The following ANKRD30A variants were observed in gnomAD, a reference collection of about 807,000 sequenced individuals.
The protein encoded by ANKRD30A is ankyrin repeat domain 30A, also known as ankyrin repeat domain-containing protein 30A.
In ANKRD30A, 170 loss-of-function variants were observed where a neutral mutation model predicts 166.3. The ratio of observed to expected loss-of-function variants is 1.02; its 90% CI spans 0.90 to 1.16. The LOEUF (loss-of-function observed/expected upper bound fraction) is 1.16. ANKRD30A is among the 50% of genes most tolerant of loss of function. The pLI is 0.00. For missense variants in ANKRD30A, 1,630 were observed against 1,518.0 expected (o/e 1.07, Z -1.23); for synonymous variants, 564 against 508.9 (o/e 1.11, Z -1.46).
At chr10:37,236,302 C>T (rs112128472), downstream of ANKRD30A, among the ~76,000 whole-genome samples, 581 of 152,222 alleles carry the variant, frequency 3.8e-3, 3 homozygotes, top group African/African-American at 0.013. Flanking sequence ...CTCATGACAA[C>T]TAATGGGAAG....
chr10:37,199,301 C>T (rs1331955812), intron 29 of ANKRD30A, among the ~76,000 whole-genome samples: 1 of 151,940 alleles, frequency 6.6e-6, no homozygotes. Flanking sequence ...GATAAATCAT[C>T]TTTTTTGAAG....
At chr10:37,245,422 CT>C in the ANKRD30A span, among the ~76,000 whole-genome samples, 380 of 151,102 alleles carry the variant, frequency 2.5e-3, no homozygotes, top group Middle Eastern at 0.021. Flanking sequence ...GGTTTTATTT[CT>C]TTTTTTTTCT....
Position 37,158,576 on chromosome 10 carries a change from T to C in ANKRD30A, c.1890T>C (p.Thr630=). 6.2e-7 allele frequency: 1 copy of C among 1,612,832 alleles called. No individual in the cohort carries two copies. Among genetic ancestry groups the C allele is most frequent in the Non-Finnish European group, 8.5e-7 (1 of 1,179,522 alleles). ...TKALELKDMQ[T]FKAEPPGKPS... is the part of the protein sequence containing the mutation. The stretch of plus-strand genomic sequence containing the variant: ...CCTTAGAATTGAAGGACATGCAAAC[T>C]TTCAAAGCAGGTAAATTTTGTAATT... The change falls in exon 15 of 36, where the codon ACT becomes ACC. Residue 630 remains threonine (T), a synonymous_variant. Transcript: ENST00000361713.
chr10:37,241,401 GATA>G, the ANKRD30A span: 5 of 151,242 alleles, frequency 3.3e-5, no homozygotes, highest in African/African-American at 4.8e-5. Context: ...TCTTAAAAAG[GATA>G]ATATTTTTAT....
intron 8 of ANKRD30A, among the ~76,000 whole-genome samples, chr10:37,145,327 ATTAG>A (rs1437612055): frequency 6.6e-6 from 1 of 152,078 alleles, no homozygotes; most frequent in Non-Finnish European, 1.5e-5. Context: ...AAAATACAAA[ATTAG>A]TTGGGTGTGG....
chr10:37,150,605 C>T (rs555001912), intron 11 of ANKRD30A, among the ~76,000 whole-genome samples: 10 of 152,028 alleles, frequency 6.6e-5, no homozygotes, highest in East Asian at 3.9e-4. Context: ...CATGGTTGTA[C>T]GGTGTAATGT....
chr10:37,162,488 G>A (rs777368155), intron 15 of ANKRD30A, among the ~76,000 whole-genome samples, 161 bp from the exon 16 acceptor site: 3 of 152,010 alleles, frequency 2.0e-5, no homozygotes, highest in African/African-American at 7.3e-5. Flanking sequence ...TATTCTTGTC[G>A]TGTGTGTGTC....
chr10:37,125,656 ACAGAACTTT>A lies in ANKRD30A; in HGVS notation c.-131_-123del. ...CTGAGTGTGCAAGAGCTTGGCGAAC[ACAGAACTTT>A]TTACGGGTATCGAGGCGGTGCGTGG... On this transcript the variant is annotated 5_prime_UTR_variant, in exon 1 of 36. Coordinates refer to ENST00000361713, the MANE Select transcript of ANKRD30A (RefSeq NM_052997.3). The A allele has an allele frequency of 1.7e-5, 7 of 405,306 alleles. No individual in the cohort carries two copies. The highest frequency in any genetic ancestry group is 9.3e-5 in the East Asian group (2 of 21,548). 25.1% of individuals were successfully genotyped at this position (405,306 alleles called of 1,614,324 possible).
chr10:37,193,735 C>T (rs1840798428), intron 27 of ANKRD30A, among the ~76,000 whole-genome samples: 1 of 151,878 alleles, frequency 6.6e-6, no homozygotes, highest in South Asian at 2.1e-4. Flanking sequence ...TTTAAAAAAT[C>T]AGTCAAGCAA....
intron 34 of ANKRD30A, among the ~76,000 whole-genome samples, chr10:37,221,911 A>G (rs1486952549): frequency 6.6e-6 from 1 of 151,360 alleles, no homozygotes; most frequent in African/African-American, 2.4e-5. Flanking sequence ...TCCAAAATGG[A>G]GATGTTTAGG....
At chr10:37,258,614 G>T in the ANKRD30A span, among the ~76,000 whole-genome samples, 1 of 149,978 alleles carries the variant, frequency 6.7e-6, no homozygotes, top group African/African-American at 2.5e-5. Context: ...AAGGTCAATC[G>T]TAGGTGGGTT....
chr10:37,148,719 C>T (rs901134336), intron 9 of ANKRD30A, among the ~76,000 whole-genome samples: 1 of 151,940 alleles, frequency 6.6e-6, no homozygotes, highest in African/African-American at 2.4e-5. Context: ...TCAGGCATGA[C>T]AAATATATAT....
chr10:37,152,236 T>C lies in ANKRD30A; in HGVS notation c.1707+115T>C. On this transcript the variant is annotated intron_variant, in intron 12 of 35. Coordinates refer to ENST00000361713, the MANE Select transcript of ANKRD30A (RefSeq NM_052997.3). ...TTCATATGTCACCCCGAAATTATTT[T>C]TGATATTTTTCAGAATATGCTTAAT... 4.6e-6 allele frequency: 4 copies of C among 875,782 alleles called. No individual in the cohort carries two copies. The South Asian group carries it at 4.7e-5, about 10-fold the overall frequency. 54.3% of individuals were successfully genotyped at this position (875,782 alleles called of 1,614,324 possible). A position where few individuals can be genotyped will look rare whatever the true frequency, so the allele number is the denominator to read the frequency against.
rs1235132584 is a variant in ANKRD30A at position 37,201,299 on chromosome 10, T to C, written c.2843T>C (p.Met948Thr). ...CVPKATHQKE[M>T]DKISGKLEDS... is the part of the protein sequence containing the mutation. Reference sequence around the variant, plus strand: ...CCCAAGGCTACACATCAAAAAGAAATGGATAAAATAAGTGGAAAATTAGAA... The same window carrying C: ...CCCAAGGCTACACATCAAAAAGAAACGGATAAAATAAGTGGAAAATTAGAA... Residue 948 changes from methionine to threonine, a missense_variant, in exon 31 of 36, where the codon ATG becomes ACG. By Grantham distance (81) the Met-to-Thr change is moderately conservative (BLOSUM62 -1). Coordinates refer to ENST00000361713, the MANE Select transcript of ANKRD30A (RefSeq NM_052997.3). The C allele has an allele frequency of 6.3e-7, 1 of 1,592,752 alleles. No homozygotes were observed.
intron 18 of ANKRD30A, among the ~76,000 whole-genome samples, chr10:37,166,085 C>T (rs555772440): frequency 9.2e-5 from 14 of 152,114 alleles, no homozygotes; most frequent in South Asian, 2.1e-4. Flanking sequence ...CCCTGTTTAC[C>T]GAAAGAAAGC....
At chr10:37,154,042 A>G (rs557446349) in intron 13 of ANKRD30A, among the ~76,000 whole-genome samples, 8 of 152,250 alleles carry the variant, frequency 5.3e-5, no homozygotes, top group Admixed American at 1.3e-4. Context: ...TTAGGAAAAG[A>G]TTGGGTATTG....
At chr10:37,241,209 T>C in the ANKRD30A span, 1 of 151,822 alleles carries the variant, frequency 6.6e-6, no homozygotes, top group East Asian at 1.9e-4. Flanking sequence ...TGAAACTGGC[T>C]CCTCTAGGAT....
At chr10:37,228,520 A>T (rs1384808911) in intron 34 of ANKRD30A, among the ~76,000 whole-genome samples, 1 of 152,034 alleles carries the variant, frequency 6.6e-6, no homozygotes, top group East Asian at 1.9e-4. Context: ...TTTTACTTCT[A>T]TGAAATCAGA....
intron 34 of ANKRD30A, among the ~76,000 whole-genome samples, chr10:37,223,859 A>G (rs1431734881): frequency 6.6e-6 from 1 of 151,186 alleles, no homozygotes; most frequent in Non-Finnish European, 1.5e-5. Context: ...ATATGTATTG[A>G]CTTAATGCAA....
Sources: allele counts gnomAD v4.1 joint callset (sites outside exome capture counted in the v4.1 genomes callset), GRCh38; gene constraint gnomAD v4.1.1; transcripts MANE v1.5; gene names NCBI Gene and HGNC (gene_info 2026-07-23, HGNC 2026-07-21).